The following RABGAP1L variants were observed in gnomAD, a reference collection of about 807,000 sequenced individuals.
RABGAP1L encodes the protein rab GTPase-activating protein 1-like.
Under a neutral mutation model 137.7 loss-of-function variants are expected in RABGAP1L, and 63 were observed. The ratio of observed to expected loss-of-function variants is 0.46; its 90% CI spans 0.37 to 0.56. The LOEUF (loss-of-function observed/expected upper bound fraction) is 0.56. Among genes scored for constraint, RABGAP1L ranks in the 20% least tolerant of loss-of-function variants. RABGAP1L has a pLI of 0.00. For missense variants in RABGAP1L, 1,095 were observed against 1,244.0 expected, an observed-to-expected ratio of 0.88 and a Z score of 1.80; for synonymous variants, 431 against 433.7, an observed-to-expected ratio of 0.99 and a Z score of 0.08.
At chr1:174,665,034 C>T (rs1460438712) in intron 14 of RABGAP1L, among the ~76,000 whole-genome samples, 2 of 151,922 alleles carry the variant, frequency 1.3e-5, no homozygotes, top group Admixed American at 1.3e-4. Context: ...ACTGCCCAGC[C>T]GACGATGGTT....
At chr1:174,797,565 G>T (rs1688343076) in intron 18 of RABGAP1L, among the ~76,000 whole-genome samples, 1 of 121,414 alleles carries the variant, frequency 8.2e-6, no homozygotes, top group Non-Finnish European at 1.7e-5. Context: ...GAGGGTGTGG[G>T]GGGTGTGATG....
chr1:174,835,059 T>A (rs1335281098), intron 19 of RABGAP1L, among the ~76,000 whole-genome samples: 2 of 152,174 alleles, frequency 1.3e-5, no homozygotes, highest in African/African-American at 4.8e-5. Flanking sequence ...AAGAAATGAA[T>A]GGATTAAAGA....
intron 19 of RABGAP1L, among the ~76,000 whole-genome samples, chr1:174,910,120 CAG>C (rs1659820524): frequency 6.6e-6 from 1 of 151,950 alleles, no homozygotes. Flanking sequence ...ACCTGGGTGA[CAG>C]AGTGAGAGTC....
At chr1:174,720,266 TAGA>T in intron 17 of RABGAP1L, among the ~76,000 whole-genome samples, 1 of 128,748 alleles carries the variant, frequency 7.8e-6, no homozygotes, top group African/African-American at 3.9e-5. Flanking sequence ...GATAGATAGA[TAGA>T]TAGATAGATA....
chr1:174,253,623 T>C (rs985985202), intron 7 of RABGAP1L, among the ~76,000 whole-genome samples: 6 of 152,092 alleles, frequency 3.9e-5, no homozygotes, highest in Non-Finnish European at 8.8e-5. Context: ...CTCAAAAAAA[T>C]GATGGGGGCA....
intron 3 of RABGAP1L, among the ~76,000 whole-genome samples, chr1:174,224,503 A>G (rs1179383683): frequency 6.6e-6 from 1 of 152,162 alleles, no homozygotes; most frequent in Non-Finnish European, 1.5e-5. Flanking sequence ...GCAAAAGACC[A>G]TTTAGGTTAT....
At chr1:174,642,775 CCCTCT>C (rs1423515785) in intron 14 of RABGAP1L, among the ~76,000 whole-genome samples, 1 of 131,984 alleles carries the variant, frequency 7.6e-6, no homozygotes, top group Non-Finnish European at 1.6e-5. Flanking sequence ...CTCCCTCTCC[CCCTCT>C]CCTCTCCTCT....
chr1:174,957,678 A>C, intron 20 of RABGAP1L, 129 bp downstream of exon 20: 1 of 956,712 alleles, frequency 1.0e-6, no homozygotes, highest in Non-Finnish European at 1.6e-6. Context: ...CAGTCTCCCA[A>C]GTAGCTGGGA....
intron 19 of RABGAP1L, among the ~76,000 whole-genome samples, chr1:174,934,237 C>T (rs1220656686): frequency 6.6e-6 from 1 of 151,918 alleles, no homozygotes; most frequent in East Asian, 2.0e-4. Flanking sequence ...TACAGGCATG[C>T]ACCACCACAC....
intron 17 of RABGAP1L, among the ~76,000 whole-genome samples, chr1:174,736,952 G>T (rs902852939): frequency 2.0e-5 from 3 of 152,152 alleles, no homozygotes; most frequent in Non-Finnish European, 4.4e-5. Context: ...TTCTTCCTAG[G>T]CCTCTCTTCC....
Position 174,162,609 on chromosome 1 carries a change from C to G in RABGAP1L, c.-34+2952C>G, listed in dbSNP as rs374725559. Among the ~76,000 whole-genome samples the G allele has an allele frequency of 1.5e-4, 23 of 152,050 alleles. No individual in the cohort carries two copies. The East Asian group carries it at 3.1e-3, about 20-fold the overall frequency. Reference sequence around the variant, plus strand: ...GGAGAATGAAGTTGTTGCTGTAAGCCTATGGGATTCCCAGGCACAGAGCTT... The same window carrying G: ...GGAGAATGAAGTTGTTGCTGTAAGCGTATGGGATTCCCAGGCACAGAGCTT... On this transcript the variant is annotated intron_variant, in intron 1 of 25. Transcript: ENST00000681986.
chr1:174,251,414 G>T (rs1672706913), intron 6 of RABGAP1L, among the ~76,000 whole-genome samples: 1 of 151,750 alleles, frequency 6.6e-6, no homozygotes, highest in South Asian at 2.1e-4. Context: ...GATATAGACA[G>T]TTAATAGGAA....
At chr1:174,784,832 C>T (rs1398850031) in intron 18 of RABGAP1L, among the ~76,000 whole-genome samples, 3 of 152,108 alleles carry the variant, frequency 2.0e-5, no homozygotes, top group Non-Finnish European at 2.9e-5. Context: ...TGAGGAAGCT[C>T]CATTTTGAAG....
chr1:174,839,003 A>G (rs1693083087), intron 19 of RABGAP1L, among the ~76,000 whole-genome samples: 1 of 137,094 alleles, frequency 7.3e-6, no homozygotes, highest in South Asian at 2.5e-4. Context: ...ACAAGTAAGT[A>G]TGAGCTAAGT....
chr1:174,643,916 G>GGGGTGT (rs1553224198), intron 14 of RABGAP1L, among the ~76,000 whole-genome samples: 3,417 of 145,672 alleles, frequency 0.023, 56 homozygotes, highest in Non-Finnish European at 0.034. Flanking sequence ...CTTATATAGG[G>GGGGTGT]GTGTGTGTGT....
At chr1:174,318,620 C>CTTTA (rs1221963652) in intron 11 of RABGAP1L, among the ~76,000 whole-genome samples, 1 of 141,296 alleles carries the variant, frequency 7.1e-6, no homozygotes. Context: ...TTCTTTCTTT[C>CTTTA]TTTCTTTCTT....
intron 13 of RABGAP1L, among the ~76,000 whole-genome samples, chr1:174,550,895 T>C (rs79042942): frequency 0.05 from 2,509 of 50,672 alleles, 88 homozygotes; most frequent in Non-Finnish European, 0.061. Flanking sequence ...TATATATATA[T>C]ACACACACAC....
chr1:174,389,780 A>C (rs1310617154), intron 12 of RABGAP1L, among the ~76,000 whole-genome samples: 1 of 152,192 alleles, frequency 6.6e-6, no homozygotes, highest in East Asian at 1.9e-4. Context: ...TAAGTAAAGA[A>C]GACAAAGATT....
intron 13 of RABGAP1L, among the ~76,000 whole-genome samples, chr1:174,626,509 T>A (rs1250487211): frequency 1.2e-4 from 19 of 152,260 alleles, no homozygotes. Flanking sequence ...TACCTGAAGC[T>A]AGAATATGGC....
Sources: gnomAD v4.1 joint callset for allele counts (sites outside exome capture counted in the v4.1 genomes callset) on GRCh38, gnomAD v4.1.1 for gene constraint, MANE v1.5 for transcripts, NCBI Gene and HGNC (gene_info 2026-07-23, HGNC 2026-07-21) for gene names.